Variants in SDK1 observed in about 807,000 individuals in gnomAD.
The protein encoded by SDK1 is sidekick cell adhesion molecule 1.
Under a neutral mutation model 245.5 loss-of-function variants are expected in SDK1, and 157 were observed. The ratio of observed to expected loss-of-function variants is 0.64; its 90% CI spans 0.56 to 0.73. The LOEUF is 0.73. Among genes scored for constraint, SDK1 ranks in the 30% least tolerant of loss-of-function variants. The probability of loss-of-function intolerance (pLI) is 0.00; values close to 1 mark genes in which losing one functional copy is unlikely to be tolerated. For synonymous variants in SDK1, 1,647 were observed against 1,278.5 expected (o/e 1.29, Z -6.15); for missense variants, 3,583 against 3,002.3 (o/e 1.19, Z -4.52).
chr7:3,689,670 T>C (rs534474967), intron 4 of SDK1, among the ~76,000 whole-genome samples: 7 of 152,334 alleles, frequency 4.6e-5, no homozygotes, highest in Admixed American at 3.9e-4. Context: ...GCCTCAGATT[T>C]CCTCTCTGTT....
At position 3,927,316 on chromosome 7, in the gene SDK1, T is replaced by C. The variant is rs190297937; in HGVS notation, c.848-23607T>C. ...TTTAAATTCAGGAAATGTTGGGCCCTTTAGTTTCCCTCCTATTTTTCATTA... is the reference window on the plus strand; with the variant it reads ...TTTAAATTCAGGAAATGTTGGGCCCCTTAGTTTCCCTCCTATTTTTCATTA... On this transcript the variant is annotated intron_variant, in intron 5 of 44. Coordinates refer to ENST00000404826, the MANE Select transcript of SDK1 (RefSeq NM_152744.4). Among the ~76,000 whole-genome samples the C allele has an allele frequency of 8.5e-5, 13 of 152,350 alleles. No individual in the cohort carries two copies. In the East Asian group the frequency reaches 2.5e-3, roughly 29 times the overall value.
At position 3,724,467 on chromosome 7, in the gene SDK1, T is replaced by C. The variant is rs560711761; in HGVS notation, c.713+82362T>C. Among the ~76,000 whole-genome samples the C allele has an allele frequency of 3.0e-4, 46 of 152,250 alleles. 1 individual carries two copies. Among genetic ancestry groups the C allele is most frequent in the African/African-American group, 1.0e-3 (43 of 41,550 alleles). The stretch of plus-strand genomic sequence containing the variant: ...ATTCTATTGTACCATCACCTTATTA[T>C]GTCTGAGCAGTATTTGTTTGATGTA... On this transcript the variant is annotated intron_variant, in intron 4 of 44. Transcript: ENST00000404826.
chr7:3,583,650 T>C (rs897796715), intron 1 of SDK1, among the ~76,000 whole-genome samples: 7 of 152,166 alleles, frequency 4.6e-5, no homozygotes, highest in Non-Finnish European at 1.0e-4. Flanking sequence ...TCTGTGCTTC[T>C]ACACTTTGGA....
At chr7:3,617,360 C>G (rs951244135) in intron 1 of SDK1, among the ~76,000 whole-genome samples, 2 of 152,172 alleles carry the variant, frequency 1.3e-5, no homozygotes, top group Admixed American at 6.5e-5. Flanking sequence ...TATCTGATAA[C>G]TATTGTAAAT....
chr7:3,402,902 T>C (rs1279111985), intron 1 of SDK1, among the ~76,000 whole-genome samples: 2 of 152,156 alleles, frequency 1.3e-5, no homozygotes, highest in Non-Finnish European at 1.5e-5. Flanking sequence ...ATGCAAACTT[T>C]GGCTTATTAT....
chr7:4,149,665 C>T (rs759504373), intron 30 of SDK1, among the ~76,000 whole-genome samples: 1 of 152,188 alleles, frequency 6.6e-6, no homozygotes, highest in East Asian at 1.9e-4. Context: ...CCACCCCCAG[C>T]CGCTTCCCGG....
At chr7:3,628,928 C>G (rs985398511) in intron 2 of SDK1, among the ~76,000 whole-genome samples, 1 of 152,046 alleles carries the variant, frequency 6.6e-6, no homozygotes, top group South Asian at 2.1e-4. Context: ...AGAGGACCTT[C>G]TGAGTTGAAG....
At chr7:4,247,694 C>CTG (rs1280027676) in intron 44 of SDK1, among the ~76,000 whole-genome samples, 4 of 152,228 alleles carry the variant, frequency 2.6e-5, no homozygotes, top group Non-Finnish European at 5.9e-5. Context: ...GCGCTCGCTG[C>CTG]TGTGTGTTTC....
At position 3,672,762 on chromosome 7, in the gene SDK1, T is replaced by TATATAC. The variant is rs1397567672; in HGVS notation, c.713+30662_713+30663insCATATA. ...TATATTTTTATAATATATAATTTTA[T>TATATAC]ATATATATATATATATATATATATA... On this transcript the variant is annotated intron_variant, in intron 4 of 44. Coordinates refer to ENST00000404826, the MANE Select transcript of SDK1 (RefSeq NM_152744.4). Among the ~76,000 whole-genome samples, 145 of 57,620 alleles carry TATATAC rather than the reference T, an allele frequency of 2.5e-3. 6 individuals carry two copies. The highest frequency in any genetic ancestry group is 7.7e-3 in the African/African-American group (109 of 14,160). The allele number at this position is 57,620 out of a possible 152,430, so 37.8% of individuals were successfully genotyped here. A position where few individuals can be genotyped will look rare whatever the true frequency, so the allele number is the denominator to read the frequency against.
chr7:3,357,328 G>GTTTTTTTTT lies in SDK1; in HGVS notation c.298+55475_298+55483dup, dbSNP rs560124026. 1.3e-3 allele frequency among the ~76,000 whole-genome samples: 68 copies of GTTTTTTTTT among 52,944 alleles called. 22 individuals are homozygous for GTTTTTTTTT. The highest frequency in any genetic ancestry group is 3.9e-3 in the East Asian group (5 of 1,296). The allele number at this position is 52,944 out of a possible 152,430, so 34.7% of individuals were successfully genotyped here. A position where few individuals can be genotyped will look rare whatever the true frequency, so the allele number is the denominator to read the frequency against. ...TTACTCTTGCTCCCCTTCTTTTAGT[G>GTTTTTTTTT]TTTTTTTTTTTTTTTTTTTTTTTTT... On this transcript the variant is annotated intron_variant, in intron 1 of 44. Coordinates refer to ENST00000404826, the MANE Select transcript of SDK1 (RefSeq NM_152744.4).
chr7:3,707,775 G>GATTCA (rs1784933553), intron 4 of SDK1, among the ~76,000 whole-genome samples: 1 of 152,054 alleles, frequency 6.6e-6, no homozygotes, highest in Non-Finnish European at 1.5e-5. Context: ...CTTCTTGTTG[G>GATTCA]ATTCATCCTC....
intron 22 of SDK1, among the ~76,000 whole-genome samples, chr7:4,105,480 T>G (rs1286826885): frequency 6.6e-6 from 1 of 151,870 alleles, no homozygotes; most frequent in African/African-American, 2.4e-5. Context: ...CCAATTTTTG[T>G]ATTTTTAGTA....
intron 5 of SDK1, among the ~76,000 whole-genome samples, chr7:3,912,723 G>A (rs1383553416): frequency 2.6e-5 from 4 of 152,220 alleles, no homozygotes; most frequent in East Asian, 1.9e-4. Flanking sequence ...GGCAGAGACC[G>A]GCACGGTCTG....
chr7:4,232,042 C>CT (rs58243380), intron 40 of SDK1, among the ~76,000 whole-genome samples: 24,912 of 131,754 alleles, frequency 0.19, 3,612 homozygotes, highest in East Asian at 0.74. Context: ...TCTGAGCCTA[C>CT]TTTTTTTTTT....
chr7:3,852,545 A>G (rs1310260350), intron 5 of SDK1, among the ~76,000 whole-genome samples: 1 of 151,732 alleles, frequency 6.6e-6, no homozygotes, highest in African/African-American at 2.4e-5. Flanking sequence ...CAGGAGATTG[A>G]GACCATCCTG....
intron 8 of SDK1, among the ~76,000 whole-genome samples, chr7:3,962,322 G>C (rs1197056272): frequency 6.6e-6 from 1 of 152,224 alleles, no homozygotes; most frequent in Non-Finnish European, 1.5e-5. Flanking sequence ...CTGCAGAGCA[G>C]AGAGGGCTTC....
At chr7:3,715,337 AT>A (rs1208173760) in intron 4 of SDK1, among the ~76,000 whole-genome samples, 1 of 152,132 alleles carries the variant, frequency 6.6e-6, no homozygotes, top group Admixed American at 6.5e-5. Flanking sequence ...TTGACCCAGC[AT>A]TTTCCGATCC....
chr7:3,943,014 G>A (rs997950004), intron 5 of SDK1, among the ~76,000 whole-genome samples: 1 of 152,182 alleles, frequency 6.6e-6, no homozygotes, highest in African/African-American at 2.4e-5. Context: ...ACGGCCCATG[G>A]CCTGTCCCTG....
At chr7:4,143,292 A>C (rs1779707130) in intron 28 of SDK1, among the ~76,000 whole-genome samples, 1 of 152,182 alleles carries the variant, frequency 6.6e-6, no homozygotes, top group South Asian at 2.1e-4. Flanking sequence ...CTGTGGTCAT[A>C]CCGGCCACCA....
Sources: gnomAD v4.1 joint callset for allele counts (sites outside exome capture counted in the v4.1 genomes callset) on GRCh38, gnomAD v4.1.1 for gene constraint, MANE v1.5 for transcripts, NCBI Gene and HGNC (gene_info 2026-07-23, HGNC 2026-07-21) for gene names.